The following MEF2C variants were observed in gnomAD, a reference collection of about 807,000 sequenced individuals.
The protein encoded by MEF2C is myocyte-specific enhancer factor 2C.
Under a neutral mutation model 50.5 loss-of-function variants are expected in MEF2C, and 6 were observed. The observed-to-expected ratio is 0.12, with a 90% CI of 0.07 to 0.23. MEF2C has a LOEUF of 0.23. Among genes scored for constraint, MEF2C ranks in the 10% least tolerant of loss-of-function variants. The pLI is 1.00. For missense variants in MEF2C, 276 were observed against 605.0 expected (o/e 0.46, Z 5.70); for synonymous variants, 183 against 228.0 (o/e 0.80, Z 1.78).
At chr5:88,824,311 T>A (rs1809896370) in intron 1 of MEF2C, 1 of 985,156 alleles carries the variant, frequency 1.0e-6, no homozygotes, top group African/African-American at 1.7e-5. Flanking sequence ...TTTATGTACC[T>A]GTGTATGCTA....
chr5:88,736,952 G>A lies in MEF2C; in HGVS notation c.638-5051C>T, dbSNP rs566841773. 1.2e-4 allele frequency: 122 copies of A among 984,490 alleles called. No individual in the cohort carries two copies. The East Asian group carries it at 1.2e-3, about 10-fold the overall frequency. 61.0% of individuals were successfully genotyped at this position (984,490 alleles called of 1,614,324 possible). ...ACTAAAGTTCCAACTCTTTCATGATGCCTTTCAGACAACTTCAGCCCACAC... is the reference window on the plus strand; with the variant it reads ...ACTAAAGTTCCAACTCTTTCATGATACCTTTCAGACAACTTCAGCCCACAC... On this transcript the variant is annotated intron_variant, in intron 6 of 10. Coordinates refer to ENST00000504921, the MANE Select transcript of MEF2C (RefSeq NM_002397.5).
intron 1 of MEF2C, among the ~76,000 whole-genome samples, chr5:88,899,706 C>T (rs908297721): frequency 6.6e-6 from 1 of 152,108 alleles, no homozygotes; most frequent in Admixed American, 6.6e-5. Flanking sequence ...ACTTGCCTAT[C>T]TTTCAAATTG....
chr5:88,803,489 C>G (rs976495293), intron 3 of MEF2C, among the ~76,000 whole-genome samples: 1 of 152,134 alleles, frequency 6.6e-6, no homozygotes, highest in South Asian at 2.1e-4. Context: ...TAAGCAATGG[C>G]AAGAATGACG....
At chr5:88,800,563 A>T (rs1194810521) in intron 3 of MEF2C, among the ~76,000 whole-genome samples, 2 of 152,168 alleles carry the variant, frequency 1.3e-5, no homozygotes, top group African/African-American at 4.8e-5. Flanking sequence ...TGAAGTACTC[A>T]ACAACCACAT....
upstream of MEF2C, chr5:88,887,344 A>C (rs565046218): frequency 1.1e-4 from 17 of 152,336 alleles, no homozygotes; most frequent in South Asian, 3.5e-3. Context: ...AAGCAAAATG[A>C]TATGTCATTG....
chr5:88,766,492 T>C, intron 3 of MEF2C: 1 of 212,258 alleles, frequency 4.7e-6, no homozygotes, highest in Non-Finnish European at 8.1e-6. Context: ...TATGAAGCTG[T>C]ATTTTTATAT....
At chr5:88,868,159 A>T (rs1828022109) in intron 1 of MEF2C, among the ~76,000 whole-genome samples, 2 of 152,198 alleles carry the variant, frequency 1.3e-5, no homozygotes, top group South Asian at 4.1e-4. Flanking sequence ...TATCCTGGAG[A>T]ACCAGGAAAA....
At chr5:88,743,659 T>A (rs1321664136) in intron 6 of MEF2C, 1 of 985,434 alleles carries the variant, frequency 1.0e-6, no homozygotes, top group Non-Finnish European at 1.2e-6. Flanking sequence ...AGTCATGACC[T>A]AAGGTCTTGC....
At chr5:88,825,646 G>C (rs751362901) in intron 1 of MEF2C, 5 of 984,762 alleles carry the variant, frequency 5.1e-6, no homozygotes, top group Non-Finnish European at 6.0e-6. Flanking sequence ...GCTAGACACT[G>C]TCCATCTATT....
At chr5:88,874,599 T>C (rs1051107498) in intron 1 of MEF2C, among the ~76,000 whole-genome samples, 1 of 151,942 alleles carries the variant, frequency 6.6e-6, no homozygotes. Flanking sequence ...ATCTATGTTG[T>C]ATTAATTTCT....
In MEF2C at chr5:88,823,759, C is replaced by T. The variant is rs2153222913; in HGVS notation, c.30G>A (p.Arg10=). MGRKKIQIT[R]IMDERNRQVT... ...CCTGTCTGTTACGTTCATCCATAAT[C>T]CTCGTAATCTGAATCTTTTTTCTCC... is the stretch of plus-strand genomic sequence containing the variant. Residue 10 remains arginine, a synonymous_variant, in exon 2 of 11, where the codon AGG becomes AGA. Coordinates refer to ENST00000504921, the MANE Select transcript of MEF2C (RefSeq NM_002397.5). 1 of 1,609,578 alleles carries T rather than the reference C, an allele frequency of 6.2e-7. No individual in the cohort carries two copies. Among genetic ancestry groups the T allele is most frequent in the South Asian group, 1.1e-5 (1 of 90,324 alleles).
chr5:88,836,123 T>A (rs958753366), intron 1 of MEF2C, among the ~76,000 whole-genome samples: 10 of 152,226 alleles, frequency 6.6e-5, no homozygotes, highest in Non-Finnish European at 8.8e-5. Flanking sequence ...TAATTTACCA[T>A]GAAGCCTAAA....
At chr5:88,827,114 T>C (rs1404470398) in intron 1 of MEF2C, 1 of 151,940 alleles carries the variant, frequency 6.6e-6, no homozygotes, top group Non-Finnish European at 1.5e-5. Flanking sequence ...GCAAAGTGGT[T>C]TGAGACCCAA....
chr5:88,875,549 G>T (rs760787169), intron 1 of MEF2C, among the ~76,000 whole-genome samples: 8 of 151,902 alleles, frequency 5.3e-5, no homozygotes, highest in Admixed American at 1.3e-4. Flanking sequence ...CTGGAGGTAG[G>T]GGGTGGGGAA....
At chr5:88,814,282 C>T (rs956415056) in intron 2 of MEF2C, among the ~76,000 whole-genome samples, 1 of 151,554 alleles carries the variant, frequency 6.6e-6, no homozygotes, top group Non-Finnish European at 1.5e-5. Flanking sequence ...GCTTTAGGCC[C>T]GATGATTACT....
intron 1 of MEF2C, among the ~76,000 whole-genome samples, chr5:88,859,771 C>T (rs1195610813): frequency 6.6e-6 from 1 of 152,160 alleles, no homozygotes; most frequent in Non-Finnish European, 1.5e-5. Flanking sequence ...AAAATATTTG[C>T]TCATTTATGA....
In MEF2C at chr5:88,823,909, C is replaced by A; in HGVS notation, c.-121G>T. Reference sequence around the variant, plus strand: ...TTCAGCACTTGCACAGCTCAGTTCCCAAATTCCTGCATTCGTTCCTGCTGA... The same window carrying A: ...TTCAGCACTTGCACAGCTCAGTTCCAAAATTCCTGCATTCGTTCCTGCTGA... On this transcript the variant is annotated 5_prime_UTR_variant, in exon 2 of 11. Coordinates refer to ENST00000504921, the MANE Select transcript of MEF2C (RefSeq NM_002397.5). 6.8e-7 allele frequency: 1 copy of A among 1,477,780 alleles called. No homozygotes were observed. The highest frequency in any genetic ancestry group is 1.5e-5 in the South Asian group (1 of 64,840). The allele number at this position is 1,477,780 out of a possible 1,614,324, so 91.5% of individuals were successfully genotyped here.
chr5:88,734,643 A>G (rs1763357344), intron 6 of MEF2C: 1 of 943,376 alleles, frequency 1.1e-6, no homozygotes, highest in African/African-American at 2.2e-5. Context: ...AACAAAGCCT[A>G]TGTCTTTTTG....
intron 4 of MEF2C, among the ~76,000 whole-genome samples, chr5:88,760,793 CG>C (rs1777501035): frequency 6.6e-6 from 1 of 152,124 alleles, no homozygotes; most frequent in Non-Finnish European, 1.5e-5. Flanking sequence ...ATGAACTTTT[CG>C]ATGGCAACTC....
Sources: allele counts gnomAD v4.1 joint callset (sites outside exome capture counted in the v4.1 genomes callset), GRCh38; gene constraint gnomAD v4.1.1; transcripts MANE v1.5; gene names NCBI Gene and HGNC (gene_info 2026-07-23, HGNC 2026-07-21).